RACGAP1: variants seen among roughly 807,000 people sequenced by gnomAD.
RACGAP1 encodes Rac GTPase activating protein 1, also known as rac GTPase-activating protein 1.
In RACGAP1, 30 loss-of-function variants were observed where a neutral mutation model predicts 78.1. The observed-to-expected ratio is 0.38, with a 90% CI of 0.29 to 0.52. RACGAP1 has a LOEUF of 0.52. RACGAP1 is among the 20% of genes least tolerant of loss of function. The pLI is 0.82. For synonymous variants in RACGAP1, 231 were observed against 264.8 expected, an observed-to-expected ratio of 0.87 and a Z score of 1.24; for missense variants, 587 against 777.1, an observed-to-expected ratio of 0.76 and a Z score of 2.91.
intron 2 of RACGAP1, among the ~76,000 whole-genome samples, chr12:50,016,359 G>A (rs907580053): frequency 3.3e-5 from 5 of 152,124 alleles, no homozygotes; most frequent in African/African-American, 1.2e-4. Context: ...TCCAGCCTGG[G>A]TGACAGAGAG....
chr12:50,032,536 A>T (rs1425917409), intron 1 of RACGAP1, among the ~76,000 whole-genome samples: 2 of 147,034 alleles, frequency 1.4e-5, no homozygotes, highest in South Asian at 2.2e-4. Flanking sequence ...GGAAAAGGTG[A>T]GTGTGTGTGT....
intron 1 of RACGAP1, among the ~76,000 whole-genome samples, chr12:50,022,243 G>A (rs914218850): frequency 3.3e-5 from 5 of 152,068 alleles, no homozygotes; most frequent in African/African-American, 7.2e-5. Flanking sequence ...TCATTTAGCA[G>A]ATACAAAAAT....
At chr12:50,019,443 T>C (rs181659983) in intron 1 of RACGAP1, among the ~76,000 whole-genome samples, 22 of 152,280 alleles carry the variant, frequency 1.4e-4, no homozygotes, top group African/African-American at 5.1e-4. Flanking sequence ...TAAGTGTTAA[T>C]TCAGAGAACA....
At chr12:50,008,702 A>G (rs1385851545) in intron 2 of RACGAP1, among the ~76,000 whole-genome samples, 1 of 152,058 alleles carries the variant, frequency 6.6e-6, no homozygotes, top group Non-Finnish European at 1.5e-5. Flanking sequence ...CACGTTGGCT[A>G]GGCTGGTCTC....
intron 2 of RACGAP1, among the ~76,000 whole-genome samples, chr12:50,008,545 T>A (rs1949117072): frequency 6.6e-6 from 1 of 151,496 alleles, no homozygotes; most frequent in South Asian, 2.1e-4. Context: ...CAGACTGGAG[T>A]GCAGTAGCAC....
intron 9 of RACGAP1, 132 bp from the exon 10 acceptor site, chr12:49,997,336 G>T (rs1457143205): frequency 2.2e-5 from 28 of 1,286,020 alleles, no homozygotes; most frequent in Non-Finnish European, 2.7e-5. Context: ...GTGCAGTGGT[G>T]TGATTTCAGC....
At chr12:50,026,630 T>G (rs887984228), upstream of RACGAP1, among the ~76,000 whole-genome samples, 3 of 152,244 alleles carry the variant, frequency 2.0e-5, no homozygotes, top group East Asian at 5.8e-4. Context: ...TCACCATAAA[T>G]ATATAAAATT....
rs1034948391 is a variant in RACGAP1 at position 50,021,184 on chromosome 12, T to C, written c.-5+4214A>G. 9.6e-6 allele frequency: 9 copies of C among 934,092 alleles called. No homozygotes were observed. In the African/African-American group the frequency reaches 1.6e-4, roughly 17 times the overall value. The allele number at this position is 934,092 out of a possible 1,614,324, so 57.9% of individuals were successfully genotyped here. A position where few individuals can be genotyped will look rare whatever the true frequency, so the allele number is the denominator to read the frequency against. ...TCCATAGCTAGGAGATACACTAATG[T>C]GAAAGGAAACAAAAACAAAGTCATA... On this transcript the variant is annotated intron_variant, in intron 1 of 16. Transcript: ENST00000312377.
chr12:50,022,779 G>A (rs531921448), intron 1 of RACGAP1, among the ~76,000 whole-genome samples: 13 of 152,210 alleles, frequency 8.5e-5, no homozygotes, highest in African/African-American at 3.1e-4. Flanking sequence ...AAGAGTTGAT[G>A]AACAACTATT....
At chr12:50,015,798 T>C (rs1446982489) in intron 2 of RACGAP1, among the ~76,000 whole-genome samples, 2 of 150,068 alleles carry the variant, frequency 1.3e-5, no homozygotes, top group East Asian at 2.0e-4. Flanking sequence ...CAAGACTCCA[T>C]CTCAAAAATA....
At chr12:50,003,642 T>C (rs910720901) in intron 5 of RACGAP1, among the ~76,000 whole-genome samples, 2 of 152,234 alleles carry the variant, frequency 1.3e-5, no homozygotes, top group Non-Finnish European at 2.9e-5. Context: ...TATCAGGAGA[T>C]GACCTTTTAT....
At chr12:49,994,544 C>A (rs763524849) in intron 10 of RACGAP1, 35 bp from the exon 11 acceptor site, 2 of 1,599,892 alleles carry the variant, frequency 1.3e-6, no homozygotes. Context: ...TTATTATTTA[C>A]GCCATGTAGA....
chr12:49,994,536 A>T, intron 10 of RACGAP1, 27 bp from the exon 11 acceptor site: 1 of 1,604,590 alleles, frequency 6.2e-7, no homozygotes, highest in Non-Finnish European at 8.5e-7. Flanking sequence ...GCTTTAAATT[A>T]TTATTTACGC....
chr12:49,994,674 T>C (rs906489127), intron 10 of RACGAP1, among the ~76,000 whole-genome samples, 165 bp from the exon 11 acceptor site: 2 of 152,138 alleles, frequency 1.3e-5, no homozygotes, highest in Admixed American at 1.3e-4. Flanking sequence ...CTCTCAATTA[T>C]TTTTCCTACC....
At chr12:50,030,780 TTGTG>T (rs113580644) in intron 2 of RACGAP1, among the ~76,000 whole-genome samples, 1 of 150,722 alleles carries the variant, frequency 6.6e-6, no homozygotes, top group Non-Finnish European at 1.5e-5. Context: ...TTTATGTCTT[TTGTG>T]TGTGTGTGTG....
intron 9 of RACGAP1, among the ~76,000 whole-genome samples, chr12:49,997,566 G>A (rs1029989605): frequency 6.6e-6 from 1 of 151,508 alleles, no homozygotes; most frequent in Non-Finnish European, 1.5e-5. Flanking sequence ...GAGCCACTGG[G>A]CCTGGCCTTT....
At chr12:50,003,575 T>C (rs1246436856) in intron 5 of RACGAP1, among the ~76,000 whole-genome samples, 1 of 152,238 alleles carries the variant, frequency 6.6e-6, no homozygotes. Context: ...TTTTGTTTGC[T>C]AGTTTTCAGC....
intron 2 of RACGAP1, among the ~76,000 whole-genome samples, chr12:50,012,150 A>G (rs950441008): frequency 6.6e-6 from 1 of 151,712 alleles, no homozygotes; most frequent in East Asian, 1.9e-4. Flanking sequence ...AACTAGGCTG[A>G]GCATGGTGGT....
chr12:50,016,910 T>C, intron 1 of RACGAP1, 191 bp from the exon 2 acceptor site: 1 of 1,340,508 alleles, frequency 7.5e-7, no homozygotes, highest in Non-Finnish European at 9.6e-7. Context: ...TGTTTAAGAC[T>C]CATCTGAAAA....
Sources: gnomAD v4.1 joint callset for allele counts (sites outside exome capture counted in the v4.1 genomes callset) on GRCh38, gnomAD v4.1.1 for gene constraint, MANE v1.5 for transcripts, NCBI Gene and HGNC (gene_info 2026-07-23, HGNC 2026-07-21) for gene names.